Variants in MTRFR observed in about 807,000 individuals in gnomAD.
The protein encoded by MTRFR is mitochondrial translation release factor in rescue.
In MTRFR, 10 loss-of-function variants were observed where a neutral mutation model predicts 11.9. The ratio of observed to expected loss-of-function variants is 0.84; its 90% confidence interval spans 0.52 to 1.42. MTRFR has a LOEUF of 1.42. Among genes scored for constraint, MTRFR ranks in the 40% most tolerant of loss-of-function variants. The pLI is 0.00. For synonymous variants in MTRFR, 77 were observed against 79.1 expected (o/e 0.97, Z 0.14); for missense variants, 196 against 197.9 (o/e 0.99, Z 0.06).
intron 1 of MTRFR, chr12:123,251,246 T>G (rs1274336474): frequency 6.6e-6 from 1 of 152,368 alleles, no homozygotes; most frequent in African/African-American, 2.4e-5. Context: ...CTTGAAAATT[T>G]GCCCCAAGGC....
At chr12:123,237,498 G>T (rs185275919) in intron 1 of MTRFR, among the ~76,000 whole-genome samples, 1 of 152,288 alleles carries the variant, frequency 6.6e-6, no homozygotes, top group Admixed American at 6.5e-5. Context: ...TACTTCATTA[G>T]CTATCTCTTG....
intron 1 of MTRFR, among the ~76,000 whole-genome samples, chr12:123,236,950 C>T (rs766597390): frequency 6.6e-6 from 1 of 151,588 alleles, no homozygotes; most frequent in Non-Finnish European, 1.5e-5. Flanking sequence ...CCAAGCGTGG[C>T]GGCATGCGCC....
At position 123,252,495 on chromosome 12, in the gene MTRFR, G is replaced by A. The variant is rs1392706064; in HGVS notation, c.-28-1152G>A. 2.0e-5 allele frequency: 3 copies of A among 151,834 alleles called. No individual in the cohort carries two copies. The East Asian group carries it at 5.8e-4, about 30-fold the overall frequency. The allele number at this position is 151,834 out of a possible 1,614,324, so 9.4% of individuals were successfully genotyped here. On this transcript the variant is annotated intron_variant, in intron 1 of 2. Coordinates refer to ENST00000253233, the MANE Select transcript of MTRFR (RefSeq NM_152269.5). ...CGATGAGTACCAGTTGGACCACGTT[G>A]TTGGCAGTGCGTCCAGGGAACAGAT...
intron 1 of MTRFR, among the ~76,000 whole-genome samples, chr12:123,240,209 C>CAA (rs55859746): frequency 1.5e-5 from 2 of 135,058 alleles, no homozygotes; most frequent in African/African-American, 5.7e-5. Context: ...ATTAAAAATA[C>CAA]AAAAAAAAAA....
Position 123,253,628 on chromosome 12 carries a change from CCTT to C in MTRFR, c.-28-18_-28-16del, listed in dbSNP as rs1275641813. On this transcript the variant is annotated splice_polypyrimidine_tract_variant and intron_variant, in intron 1 of 2. Transcript: ENST00000253233. ...GCAGATGCCTCTTACTGAAAGCTCT[CCTT>C]ATTCATCTAACCCAGGTCCTCAGCC... 6.2e-7 allele frequency: 1 copy of C among 1,612,570 alleles called. No homozygotes were observed. The highest frequency in any genetic ancestry group is 2.2e-5 in the East Asian group (1 of 44,884).
chr12:123,244,831 C>A (rs1391809489), intron 1 of MTRFR, among the ~76,000 whole-genome samples: 1 of 150,354 alleles, frequency 6.7e-6, no homozygotes, highest in Non-Finnish European at 1.5e-5. Context: ...TGGGGTTTCA[C>A]CATGTTGGTC....
Position 123,253,874 on chromosome 12 carries a change from G to A in MTRFR, c.200G>A (p.Gly67Glu). 6.2e-7 allele frequency: 1 copy of A among 1,614,188 alleles called. No homozygotes were observed. Among genetic ancestry groups the A allele is most frequent in the Non-Finnish European group, 8.5e-7 (1 of 1,180,034 alleles). The change falls in exon 2 of 3, where the codon GGA (glycine) becomes GAA (glutamate). Residue 67 changes from glycine to glutamate, a missense_variant. Transcript: ENST00000253233. ...ENELEEQFVKGHGPGGQATNK... is the reference protein window; with the variant it reads ...ENELEEQFVKEHGPGGQATNK... ...GAACTCGAAGAGCAGTTTGTGAAAG[G>A]ACACGGTCCAGGGGGCCAGGCAACC...
At chr12:123,252,971 C>T (rs2048132256) in intron 1 of MTRFR, among the ~76,000 whole-genome samples, 1 of 149,964 alleles carries the variant, frequency 6.7e-6, no homozygotes, top group Non-Finnish European at 1.5e-5. Flanking sequence ...ATTTTGATTT[C>T]AGAGATTCTC....
rs772313776 is a variant in MTRFR at position 123,233,466 on chromosome 12, A to C, written c.-94A>C. On this transcript the variant is annotated 5_prime_UTR_variant, in exon 1 of 3. Coordinates refer to ENST00000253233, the MANE Select transcript of MTRFR (RefSeq NM_152269.5). Reference sequence around the variant, plus strand: ...CGCAGATCAGGGATCGCGATTGCGAATCCTCCGCTGAGGTGATTTGGATAT... The same window carrying C: ...CGCAGATCAGGGATCGCGATTGCGACTCCTCCGCTGAGGTGATTTGGATAT... 1.3e-5 allele frequency: 2 copies of C among 152,260 alleles called. No individual in the cohort carries two copies. Among genetic ancestry groups the C allele is most frequent in the Non-Finnish European group, 2.9e-5 (2 of 68,068 alleles). The allele number at this position is 152,260 out of a possible 1,614,324, so 9.4% of individuals were successfully genotyped here.
intron 1 of MTRFR, among the ~76,000 whole-genome samples, chr12:123,238,321 G>A (rs1019048103): frequency 6.6e-6 from 1 of 152,076 alleles, no homozygotes; most frequent in Non-Finnish European, 1.5e-5. Context: ...ATTGCACGTT[G>A]GTCTGTTTAA....
chr12:123,252,991 A>C lies in MTRFR; in HGVS notation c.-28-656A>C, dbSNP rs535252583. On this transcript the variant is annotated intron_variant, in intron 1 of 2. Coordinates refer to ENST00000253233, the MANE Select transcript of MTRFR (RefSeq NM_152269.5). ...GATTTCAGAGATTCTCAAACATTTAAATACTGGCACTTGACCCAGATCCTA... is the reference window on the plus strand; with the variant it reads ...GATTTCAGAGATTCTCAAACATTTACATACTGGCACTTGACCCAGATCCTA... Among the ~76,000 whole-genome samples the C allele has an allele frequency of 1.2e-4, 18 of 151,486 alleles. No homozygotes were observed. The South Asian group carries it at 2.5e-3, about 21-fold the overall frequency.
At chr12:123,247,013 GCCAC>G (rs1219282136) in intron 1 of MTRFR, among the ~76,000 whole-genome samples, 3 of 151,964 alleles carry the variant, frequency 2.0e-5, no homozygotes, top group African/African-American at 4.8e-5. Context: ...ACAGGCGTGA[GCCAC>G]CGCTCACGCC....
At chr12:123,233,829 C>T (rs532671344) in intron 1 of MTRFR, 2 of 153,024 alleles carry the variant, frequency 1.3e-5, no homozygotes, top group African/African-American at 2.4e-5. Context: ...CCACGGAGGC[C>T]CAAGGCGAAA....
At chr12:123,243,858 A>G (rs1202761609) in intron 1 of MTRFR, 1 of 152,276 alleles carries the variant, frequency 6.6e-6, no homozygotes, top group African/African-American at 2.4e-5. Flanking sequence ...TTTACAAGAA[A>G]GCAACGCCTG....
chr12:123,250,729 G>A (rs2048101947), intron 1 of MTRFR: 1 of 152,282 alleles, frequency 6.6e-6, no homozygotes, highest in Non-Finnish European at 1.5e-5. Flanking sequence ...TCTCAGCCAT[G>A]GCTACCAGTG....
intron 1 of MTRFR, among the ~76,000 whole-genome samples, chr12:123,236,874 A>G (rs1286701366): frequency 6.6e-6 from 1 of 150,742 alleles, no homozygotes; most frequent in East Asian, 1.9e-4. Context: ...GCCTGAGGTC[A>G]GGAGTTCAAC....
At chr12:123,245,863 G>T (rs61519741) in intron 1 of MTRFR, among the ~76,000 whole-genome samples, 6,070 of 152,178 alleles carry the variant, frequency 0.04, 264 homozygotes, top group East Asian at 0.25. Flanking sequence ...GTGACAGCTT[G>T]ACTTCCTCTT....
chr12:123,239,558 A>T (rs2047898614), intron 1 of MTRFR, among the ~76,000 whole-genome samples: 1 of 152,166 alleles, frequency 6.6e-6, no homozygotes, highest in Non-Finnish European at 1.5e-5. Flanking sequence ...ACGTGCAACC[A>T]TGCCCAGCTA....
chr12:123,255,115 A>G (rs2048169228), intron 2 of MTRFR: 1 of 152,232 alleles, frequency 6.6e-6, no homozygotes, highest in Non-Finnish European at 1.5e-5. Context: ...TCGAAGCAGC[A>G]TTAACTCTGC....
Sources: allele counts gnomAD v4.1 joint callset (sites outside exome capture counted in the v4.1 genomes callset), GRCh38; gene constraint gnomAD v4.1.1; transcripts MANE v1.5; gene names NCBI Gene and HGNC (gene_info 2026-07-23, HGNC 2026-07-21).